Variants in AKAP6 observed in about 807,000 individuals in gnomAD.
The protein encoded by AKAP6 is A-kinase anchor protein 6.
Under a neutral mutation model 188.5 loss-of-function variants are expected in AKAP6, and 58 were observed. That is an observed-to-expected ratio of 0.31 (90% CI 0.25 to 0.38). AKAP6 has a LOEUF of 0.38. Ranked by LOEUF, AKAP6 falls within the 10% of genes least tolerant of loss-of-function variation. The pLI is 1.00. For synonymous variants in AKAP6, 989 were observed against 998.6 expected (o/e 0.99, Z 0.18); for missense variants, 2,710 against 2,740.0 (o/e 0.99, Z 0.24).
chr14:32,351,130 C>T lies in AKAP6; in HGVS notation c.-35+21722C>T, dbSNP rs140718961. On this transcript the variant is annotated intron_variant, in intron 1 of 13. Coordinates refer to ENST00000280979, the MANE Select transcript of AKAP6 (RefSeq NM_004274.5). Reference sequence around the variant, plus strand: ...ATATTGCTTCCACAAAGGTATCAAACTGTCGAGTCTACATCTTACTTTATT... The same window carrying T: ...ATATTGCTTCCACAAAGGTATCAAATTGTCGAGTCTACATCTTACTTTATT... Among the ~76,000 whole-genome samples, 671 of 152,316 alleles carry T rather than the reference C, an allele frequency of 4.4e-3. 4 individuals carry two copies. Among genetic ancestry groups the T allele is most frequent in the African/African-American group, 0.015 (633 of 41,562 alleles).
chr14:32,595,314 C>T (rs141835664), intron 5 of AKAP6, among the ~76,000 whole-genome samples: 14 of 152,138 alleles, frequency 9.2e-5, no homozygotes, highest in Middle Eastern at 3.4e-3. Flanking sequence ...CTCCTGCTTG[C>T]ACCCTGCCCC....
intron 1 of AKAP6, among the ~76,000 whole-genome samples, chr14:32,427,219 A>C (rs1027842781): frequency 6.6e-6 from 1 of 152,208 alleles, no homozygotes; most frequent in Non-Finnish European, 1.5e-5. Context: ...AGGATTAGAA[A>C]GTGAGATTAA....
intron 2 of AKAP6, 27 bp from the exon 3 acceptor site, chr14:32,535,527 C>T: frequency 6.2e-7 from 1 of 1,601,050 alleles, no homozygotes; most frequent in Non-Finnish European, 8.5e-7. Flanking sequence ...AAGTAGTCCT[C>T]ACATATGTTG....
chr14:32,410,475 T>A (rs754101808), intron 1 of AKAP6, among the ~76,000 whole-genome samples: 7 of 152,260 alleles, frequency 4.6e-5, no homozygotes, highest in Admixed American at 1.3e-4. Flanking sequence ...GTCTCATGTC[T>A]CCCCAAAATG....
At chr14:32,669,899 C>A (rs1429208420) in intron 7 of AKAP6, among the ~76,000 whole-genome samples, 3 of 152,050 alleles carry the variant, frequency 2.0e-5, no homozygotes, top group African/African-American at 7.2e-5. Context: ...GAGTTTGAGA[C>A]CAGCCTGGCC....
intron 2 of AKAP6, among the ~76,000 whole-genome samples, chr14:32,446,615 T>TAA (rs1566507407): frequency 1.3e-5 from 2 of 149,992 alleles, no homozygotes; most frequent in Non-Finnish European, 3.0e-5. Context: ...TTTTTTTTTT[T>TAA]AATTTTCAAG....
At position 32,535,646 on chromosome 14, in the gene AKAP6, C is replaced by T. The variant is rs142922569; in HGVS notation, c.417C>T (p.Asn139=). The T allele has an allele frequency of 9.8e-5, 158 of 1,614,232 alleles. No individual in the cohort carries two copies. In the African/African-American group the frequency reaches 1.5e-3, roughly 16 times the overall value. The change falls in exon 3 of 14, where the codon AAC becomes AAT. Residue 139 remains asparagine, a synonymous_variant. Transcript: ENST00000280979. ...FSLKLLSYSV[N]VIVDIHAVQL... ...TAAAGCTGCTGTCTTACTCTGTCAA[C>T]GTGATAGTGGACATCCACGCAGTGC...
intron 7 of AKAP6, among the ~76,000 whole-genome samples, chr14:32,657,846 AT>A (rs1177264929): frequency 6.6e-6 from 1 of 150,650 alleles, no homozygotes; most frequent in Admixed American, 6.6e-5. Context: ...AATAAAAAAA[AT>A]CTATACAGCA....
chr14:32,380,878 C>A (rs141421104), intron 1 of AKAP6, among the ~76,000 whole-genome samples: 230 of 152,210 alleles, frequency 1.5e-3, no homozygotes, highest in African/African-American at 5.2e-3. Flanking sequence ...CACTTAAGAC[C>A]CTCTTACAAA....
chr14:32,436,902 G>A (rs578034468), intron 2 of AKAP6, among the ~76,000 whole-genome samples: 14 of 152,168 alleles, frequency 9.2e-5, no homozygotes, highest in African/African-American at 3.1e-4. Flanking sequence ...CTACATCCTG[G>A]GTGACAAAGT....
At chr14:32,344,273 A>G (rs1566453830) in intron 1 of AKAP6, among the ~76,000 whole-genome samples, 1 of 152,242 alleles carries the variant, frequency 6.6e-6, no homozygotes. Flanking sequence ...AGTGATTATA[A>G]GACCAAGAGA....
intron 2 of AKAP6, among the ~76,000 whole-genome samples, chr14:32,487,027 G>T (rs112876504): frequency 6.6e-6 from 1 of 152,170 alleles, no homozygotes; most frequent in Admixed American, 6.5e-5. Flanking sequence ...TTAGCATGAA[G>T]TGGTGTTGAA....
intron 7 of AKAP6, among the ~76,000 whole-genome samples, chr14:32,677,099 T>C (rs571778825): frequency 6.6e-6 from 1 of 152,382 alleles, no homozygotes; most frequent in South Asian, 2.1e-4. Flanking sequence ...GTGCTGGGAT[T>C]GCAGGCATGC....
intron 1 of AKAP6, among the ~76,000 whole-genome samples, chr14:32,351,786 C>T (rs1887281906): frequency 6.6e-6 from 1 of 151,932 alleles, no homozygotes; most frequent in Non-Finnish European, 1.5e-5. Flanking sequence ...TATATACATA[C>T]ACAATTATAT....
At chr14:32,520,948 A>T (rs1881797958) in intron 2 of AKAP6, among the ~76,000 whole-genome samples, 3 of 152,226 alleles carry the variant, frequency 2.0e-5, no homozygotes, top group African/African-American at 7.2e-5. Context: ...TCAATAAAAT[A>T]CTGGCAAACC....
At chr14:32,567,580 G>T (rs1884258273) in intron 4 of AKAP6, among the ~76,000 whole-genome samples, 2 of 151,896 alleles carry the variant, frequency 1.3e-5, no homozygotes. Context: ...TAATAATTTT[G>T]TTATATATTC....
chr14:32,611,109 T>TAAAA (rs1381122783), intron 7 of AKAP6, among the ~76,000 whole-genome samples: 1 of 152,082 alleles, frequency 6.6e-6, no homozygotes, highest in Non-Finnish European at 1.5e-5. Flanking sequence ...AGTGATAGTC[T>TAAAA]GGAAGAAGAA....
intron 1 of AKAP6, among the ~76,000 whole-genome samples, chr14:32,331,423 G>C (rs556768014): frequency 6.6e-6 from 1 of 152,106 alleles, no homozygotes; most frequent in South Asian, 2.1e-4. Context: ...TTATCTAGTG[G>C]AACATCCTCC....
chr14:32,730,072 A>G (rs2031097346), intron 9 of AKAP6, among the ~76,000 whole-genome samples: 1 of 152,208 alleles, frequency 6.6e-6, no homozygotes, highest in Non-Finnish European at 1.5e-5. Flanking sequence ...CAACAAAAAT[A>G]TAAGCTCCTG....
Sources: gnomAD v4.1 joint callset for allele counts (sites outside exome capture counted in the v4.1 genomes callset) on GRCh38, gnomAD v4.1.1 for gene constraint, MANE v1.5 for transcripts, NCBI Gene and HGNC (gene_info 2026-07-23, HGNC 2026-07-21) for gene names.